The following AQP11 variants were observed in gnomAD, a reference collection of about 807,000 sequenced individuals.
AQP11 encodes the protein aquaporin-11.
Under a neutral mutation model 21.1 loss-of-function variants are expected in AQP11, and 20 were observed. That is an observed-to-expected ratio of 0.95 (90% CI 0.67 to 1.38). The LOEUF (loss-of-function observed/expected upper bound fraction) is 1.38. AQP11 is among the 40% of genes most tolerant of loss of function. The pLI is 0.00. For missense variants in AQP11, 339 were observed against 340.4 expected (o/e 1.00, Z 0.03); for synonymous variants, 167 against 150.1 (o/e 1.11, Z -0.82).
chr11:77,590,240 ACTT>A lies in AQP11; in HGVS notation c.254_256del (p.Phe85del), dbSNP rs747275160. 50 of 1,597,408 alleles carry A rather than the reference ACTT, an allele frequency of 3.1e-5. No homozygotes were observed. The highest frequency in any genetic ancestry group is 1.2e-4 in the South Asian group (11 of 88,436). On this transcript the variant is annotated inframe_deletion, in exon 1 of 3. Coordinates refer to ENST00000313578, the MANE Select transcript of AQP11 (RefSeq NM_173039.3). ...CCCACCTGGACGCTGACGCTCGTCT[ACTT>A]CTTCTCGCTTGTGCATGGCCTGACT... is the stretch of plus-strand genomic sequence containing the variant.
chr11:77,607,014 A>G (rs1958850469), intron 2 of AQP11, among the ~76,000 whole-genome samples: 1 of 152,188 alleles, frequency 6.6e-6, no homozygotes, highest in African/African-American at 2.4e-5. Flanking sequence ...CCAACATAAA[A>G]TATTTACTGT....
chr11:77,600,841 T>C (rs1397120474), intron 1 of AQP11, among the ~76,000 whole-genome samples: 1 of 151,888 alleles, frequency 6.6e-6, no homozygotes. Flanking sequence ...TGAAACCCCG[T>C]CTCTACTAAA....
Position 77,590,033 on chromosome 11 carries a change from C to T in AQP11, c.41C>T (p.Thr14Ile), listed in dbSNP as rs772848746. ...LLGLRSELQD[T>I]CTSLGLMLSV... ...GGGCTCCGGTCCGAGCTGCAGGACA[C>T]CTGCACCTCGCTGGGACTGATGCTG... Residue 14 changes from threonine (T) to isoleucine (I), a missense_variant, in exon 1 of 3, where the codon ACC (threonine) becomes ATC (isoleucine). Transcript: ENST00000313578. The T allele has an allele frequency of 1.3e-6, 2 of 1,562,108 alleles. No homozygotes were observed. The highest frequency in any genetic ancestry group is 4.6e-5 in the East Asian group (2 of 43,808).
intron 1 of AQP11, among the ~76,000 whole-genome samples, chr11:77,595,923 A>T (rs780194411): frequency 2.6e-5 from 4 of 152,126 alleles, no homozygotes; most frequent in Non-Finnish European, 5.9e-5. Flanking sequence ...ACTGCACTTC[A>T]GCCTGAGCAA....
intron 1 of AQP11, among the ~76,000 whole-genome samples, chr11:77,593,494 A>G (rs1049923429): frequency 5.9e-5 from 9 of 152,084 alleles, no homozygotes; most frequent in African/African-American, 2.2e-4. Context: ...AAAATTAGCC[A>G]GGCATGGTGG....
intron 1 of AQP11, chr11:77,591,405 C>A: frequency 1.3e-6 from 1 of 770,074 alleles, no homozygotes; most frequent in Non-Finnish European, 1.6e-6. Flanking sequence ...ATGATTACAA[C>A]AGAATATCTT....
intron 1 of AQP11, among the ~76,000 whole-genome samples, chr11:77,596,456 AT>A (rs200103004): frequency 9.4e-4 from 85 of 90,120 alleles, no homozygotes; most frequent in African/African-American, 4.3e-3. Flanking sequence ...AAAAAAAAAA[AT>A]ATATATATAT....
intron 1 of AQP11, among the ~76,000 whole-genome samples, chr11:77,602,655 G>A (rs1958822005): frequency 6.6e-6 from 1 of 152,188 alleles, no homozygotes; most frequent in South Asian, 2.1e-4. Flanking sequence ...CTATTCAAGT[G>A]TGAAATCTCA....
Position 77,590,484 on chromosome 11 carries a change from C to G in AQP11, c.492C>G (p.Leu164=), listed in dbSNP as rs772792850. ...ACKNPIRVDL[L]KAVITEAVCS... ...AGAATCCCATCCGAGTCGACTTGCT[C>G]AAAGCGGTCATCACAGAGGCCGTCT... Residue 164 remains leucine (L), a synonymous_variant, in exon 1 of 3, where the codon CTC becomes CTG. Coordinates refer to ENST00000313578, the MANE Select transcript of AQP11 (RefSeq NM_173039.3). 1 of 1,614,178 alleles carries G rather than the reference C, an allele frequency of 6.2e-7. No homozygotes were observed. Among genetic ancestry groups the G allele is most frequent in the Non-Finnish European group, 8.5e-7 (1 of 1,180,040 alleles).
intron 2 of AQP11, among the ~76,000 whole-genome samples, chr11:77,605,021 G>A (rs780894069): frequency 1.2e-3 from 183 of 152,140 alleles, no homozygotes; most frequent in Admixed American, 2.2e-3. Flanking sequence ...GTGAAACCCC[G>A]TCTCTACTAA....
At chr11:77,608,187 GA>G (rs1404645041) in intron 2 of AQP11, among the ~76,000 whole-genome samples, 5 of 152,182 alleles carry the variant, frequency 3.3e-5, no homozygotes, top group African/African-American at 1.2e-4. Flanking sequence ...AACCACTGCA[GA>G]TTTACTTTTC....
chr11:77,600,306 G>A (rs932916118), intron 1 of AQP11, among the ~76,000 whole-genome samples: 3 of 151,934 alleles, frequency 2.0e-5, no homozygotes, highest in African/African-American at 4.8e-5. Context: ...TTGTATATGC[G>A]TATACTTGTG....
At chr11:77,601,910 C>G (rs1308021680) in intron 1 of AQP11, among the ~76,000 whole-genome samples, 1 of 152,218 alleles carries the variant, frequency 6.6e-6, no homozygotes, top group Non-Finnish European at 1.5e-5. Context: ...AAAGTGGAAG[C>G]TGATGGGTTT....
At chr11:77,609,122 T>C (rs1307852826) in intron 2 of AQP11, among the ~76,000 whole-genome samples, 176 bp from the exon 3 acceptor site, 1 of 152,244 alleles carries the variant, frequency 6.6e-6, no homozygotes, top group African/African-American at 2.4e-5. Context: ...GATTTAAATC[T>C]GAGAATATTA....
In AQP11 at chr11:77,590,134, G is replaced by C; in HGVS notation, c.142G>C (p.Val48Leu). The change falls in exon 1 of 3, where the codon GTC becomes CTC. Residue 48 changes from valine to leucine, a missense_variant. Coordinates refer to ENST00000313578, the MANE Select transcript of AQP11 (RefSeq NM_173039.3). ...GCACAGGCCGGTGGCCCACGCCTTC[G>C]TCCTGGAGTTTCTAGCCACCTTCCA... ...QLHRPVAHAF[V>L]LEFLATFQLC... 6.2e-7 allele frequency: 1 copy of C among 1,608,402 alleles called. No homozygotes were observed. Among genetic ancestry groups the C allele is most frequent in the Non-Finnish European group, 8.5e-7 (1 of 1,179,798 alleles).
intron 2 of AQP11, among the ~76,000 whole-genome samples, chr11:77,605,301 T>C (rs755285696): frequency 6.6e-6 from 1 of 152,316 alleles, no homozygotes; most frequent in Non-Finnish European, 1.5e-5. Context: ...AGTTTTTATA[T>C]GAAAAAATTC....
Position 77,590,296 on chromosome 11 carries a change from G to A in AQP11, c.304G>A (p.Gly102Ser), listed in dbSNP as rs2276415. Residue 102 changes from glycine to serine, a missense_variant, in exon 1 of 3, where the codon GGC becomes AGC. Physicochemically the swap from Gly to Ser is moderately conservative, Grantham distance 56 (BLOSUM62 0). Coordinates refer to ENST00000313578, the MANE Select transcript of AQP11 (RefSeq NM_173039.3). ...TLVGTSSNPCGVMMQMMLGGM... is the reference protein window; with the variant it reads ...TLVGTSSNPCSVMMQMMLGGM... ...GGTGGGCACGTCCAGCAACCCGTGC[G>A]GCGTGATGATGCAGATGATGCTGGG... 0.12 allele frequency: 185,913 copies of A among 1,605,746 alleles called. 11,887 individuals are homozygous for A. The highest frequency in any genetic ancestry group is 0.22 in the Admixed American group (13,000 of 59,474).
chr11:77,591,310 T>C (rs753043695), intron 1 of AQP11: 63 of 984,702 alleles, frequency 6.4e-5, no homozygotes, highest in Non-Finnish European at 7.1e-5. Flanking sequence ...CTTTGACAGA[T>C]CTCAGATGCA....
intron 1 of AQP11, among the ~76,000 whole-genome samples, chr11:77,594,933 T>C (rs1035433562): frequency 1.3e-4 from 20 of 152,186 alleles, no homozygotes; most frequent in African/African-American, 4.8e-4. Flanking sequence ...ATTAGAGCTA[T>C]AAACTGTTAA....
Sources: gnomAD v4.1 joint callset for allele counts (sites outside exome capture counted in the v4.1 genomes callset) on GRCh38, gnomAD v4.1.1 for gene constraint, MANE v1.5 for transcripts, NCBI Gene and HGNC (gene_info 2026-07-23, HGNC 2026-07-21) for gene names.